UNC5D: variants seen among roughly 807,000 people sequenced by gnomAD.
UNC5D encodes netrin receptor UNC5D.
In UNC5D, 39 loss-of-function variants were observed where a neutral mutation model predicts 105.4. The ratio of observed to expected loss-of-function variants is 0.37; its 90% CI spans 0.29 to 0.48. The LOEUF is 0.48. UNC5D is among the 20% of genes least tolerant of loss of function. The pLI is 0.98. For missense variants in UNC5D, 991 were observed against 1,202.4 expected, an observed-to-expected ratio of 0.82 and a Z score of 2.60; for synonymous variants, 452 against 450.4, an observed-to-expected ratio of 1.00 and a Z score of -0.04.
intron 4 of UNC5D, among the ~76,000 whole-genome samples, chr8:35,602,441 G>A (rs1586224247): frequency 6.6e-6 from 1 of 152,080 alleles, no homozygotes; most frequent in South Asian, 2.1e-4. Flanking sequence ...GACTTTTTTT[G>A]GTTGGTAAGC....
At chr8:35,364,264 A>G (rs113635215) in intron 1 of UNC5D, among the ~76,000 whole-genome samples, 1 of 48,756 alleles carries the variant, frequency 2.1e-5, no homozygotes, top group Non-Finnish European at 4.5e-5. Flanking sequence ...CTTATACTTT[A>G]TTTCTTTATA....
chr8:35,430,482 A>G (rs1161890011), intron 1 of UNC5D, among the ~76,000 whole-genome samples: 1 of 152,116 alleles, frequency 6.6e-6, no homozygotes, highest in Admixed American at 6.6e-5. Context: ...AAACCCAAGA[A>G]AGGGGTCACC....
At chr8:35,728,472 C>T (rs932059734) in intron 10 of UNC5D, among the ~76,000 whole-genome samples, 11 of 152,158 alleles carry the variant, frequency 7.2e-5, no homozygotes, top group Non-Finnish European at 1.2e-4. Flanking sequence ...CAGTGATTCC[C>T]AAACAGTTTC....
At chr8:35,492,745 G>A (rs186918690) in intron 1 of UNC5D, among the ~76,000 whole-genome samples, 37 of 152,060 alleles carry the variant, frequency 2.4e-4, no homozygotes, top group African/African-American at 3.9e-4. Context: ...AATGATTTTC[G>A]GGAGAAATAA....
chr8:35,489,835 T>A (rs910000646), intron 1 of UNC5D, among the ~76,000 whole-genome samples: 3 of 152,238 alleles, frequency 2.0e-5, no homozygotes, highest in Non-Finnish European at 4.4e-5. Flanking sequence ...GGGTATTCCA[T>A]CTACTTTGAA....
intron 1 of UNC5D, among the ~76,000 whole-genome samples, chr8:35,499,951 G>T: frequency 6.6e-6 from 1 of 152,010 alleles, no homozygotes; most frequent in East Asian, 1.9e-4. Context: ...CACTCTAATT[G>T]GATTCTGTGC....
intron 1 of UNC5D, among the ~76,000 whole-genome samples, chr8:35,314,301 G>A (rs1216468408): frequency 6.6e-6 from 1 of 152,076 alleles, no homozygotes; most frequent in East Asian, 1.9e-4. Flanking sequence ...TGATCAAGTG[G>A]AGTTACTGTT....
intron 9 of UNC5D, among the ~76,000 whole-genome samples, chr8:35,723,576 T>C (rs746702698): frequency 6.6e-6 from 1 of 151,948 alleles, no homozygotes; most frequent in Non-Finnish European, 1.5e-5. Flanking sequence ...TTTGTTTTAT[T>C]TTTATTTTTT....
At chr8:35,339,828 T>G (rs905340916) in intron 1 of UNC5D, among the ~76,000 whole-genome samples, 1 of 152,050 alleles carries the variant, frequency 6.6e-6, no homozygotes, top group Non-Finnish European at 1.5e-5. Flanking sequence ...TCAGTATAAT[T>G]TTAGGCTCTT....
At chr8:35,247,435 G>T (rs11781624) in intron 1 of UNC5D, among the ~76,000 whole-genome samples, 117,413 of 142,298 alleles carry the variant, frequency 0.83, 48,796 homozygotes, top group East Asian at 1. Context: ...TTAAGCTTTT[G>T]TTCCAGTTAC....
intron 1 of UNC5D, among the ~76,000 whole-genome samples, chr8:35,440,249 G>A (rs1336960764): frequency 2.6e-5 from 4 of 151,882 alleles, no homozygotes; most frequent in African/African-American, 7.2e-5. Context: ...AAAGCTCTCT[G>A]AGTGCATGTT....
At chr8:35,705,854 G>A in intron 7 of UNC5D, 75 bp from the exon 8 acceptor site, 3 of 941,756 alleles carry the variant, frequency 3.2e-6, no homozygotes, top group Non-Finnish European at 4.7e-6. Context: ...TAGATATAAA[G>A]TGAAACAGGA....
chr8:35,721,934 T>TTTTC (rs1346916520), intron 8 of UNC5D, among the ~76,000 whole-genome samples: 1 of 152,250 alleles, frequency 6.6e-6, no homozygotes, highest in Non-Finnish European at 1.5e-5. Context: ...AAAAACATTA[T>TTTTC]TTTCTTTGCA....
At chr8:35,689,830 C>T (rs1472558204) in intron 7 of UNC5D, among the ~76,000 whole-genome samples, 1 of 152,188 alleles carries the variant, frequency 6.6e-6, no homozygotes, top group Non-Finnish European at 1.5e-5. Flanking sequence ...AACACCCTCA[C>T]AGAACTATCT....
intron 4 of UNC5D, among the ~76,000 whole-genome samples, chr8:35,645,498 C>T (rs563080122): frequency 1.3e-5 from 2 of 151,186 alleles, no homozygotes; most frequent in African/African-American, 4.9e-5. Flanking sequence ...CCACTTGCAA[C>T]ATTTTTCTAT....
At chr8:35,780,137 G>A (rs1009131292) in intron 16 of UNC5D, among the ~76,000 whole-genome samples, 4 of 152,160 alleles carry the variant, frequency 2.6e-5, no homozygotes, top group African/African-American at 4.8e-5. Context: ...GTTTTTCCCA[G>A]TGCCCTCCTC....
At chr8:35,764,982 G>A (rs1387261354) in intron 14 of UNC5D, among the ~76,000 whole-genome samples, 1 of 152,240 alleles carries the variant, frequency 6.6e-6, no homozygotes, top group South Asian at 2.1e-4. Flanking sequence ...AACCTCTGTA[G>A]AGAGCCAAGG....
At chr8:35,511,884 A>G (rs963823376) in intron 1 of UNC5D, among the ~76,000 whole-genome samples, 4 of 152,170 alleles carry the variant, frequency 2.6e-5, no homozygotes, top group African/African-American at 9.7e-5. Context: ...TCTAAAACTG[A>G]TATACTTAAC....
chr8:35,362,258 C>T, intron 1 of UNC5D, among the ~76,000 whole-genome samples: 1 of 152,182 alleles, frequency 6.6e-6, no homozygotes, highest in East Asian at 1.9e-4. Context: ...GTTCACTTTA[C>T]TAGCTAGTAA....
Sources: allele counts gnomAD v4.1 joint callset (sites outside exome capture counted in the v4.1 genomes callset), GRCh38; gene constraint gnomAD v4.1.1; transcripts MANE v1.5; gene names NCBI Gene and HGNC (gene_info 2026-07-23, HGNC 2026-07-21).